The following DLD variants were observed in gnomAD, a reference collection of about 807,000 sequenced individuals.
DLD encodes the protein dihydrolipoamide dehydrogenase.
A neutral mutation model predicts 62.2 loss-of-function variants in DLD; 36 were observed. The observed-to-expected ratio is 0.58, with a 90% CI of 0.44 to 0.76. The LOEUF (loss-of-function observed/expected upper bound fraction) is 0.76. Among genes scored for constraint, DLD ranks in the 30% least tolerant of loss-of-function variants. The probability of loss-of-function intolerance (pLI) is 0.00; values close to 1 mark genes in which losing one functional copy is unlikely to be tolerated. For missense variants in DLD, 541 were observed against 608.6 expected (o/e 0.89, Z 1.17); for synonymous variants, 204 against 199.6 (o/e 1.02, Z -0.19).
At chr7:107,897,684 T>G (rs1306351842) in intron 2 of DLD, among the ~76,000 whole-genome samples, 2 of 151,136 alleles carry the variant, frequency 1.3e-5, no homozygotes, top group Non-Finnish European at 2.9e-5. Flanking sequence ...GTTCAGGAGA[T>G]TCTCATGCCT....
At chr7:107,895,029 T>A (rs2031684084) in intron 2 of DLD, among the ~76,000 whole-genome samples, 1 of 152,208 alleles carries the variant, frequency 6.6e-6, no homozygotes, top group African/African-American at 2.4e-5. Flanking sequence ...TCTGTTTTAA[T>A]TACTGCTCTG....
chr7:107,911,597 T>A (rs767835020), intron 8 of DLD, among the ~76,000 whole-genome samples: 8 of 152,164 alleles, frequency 5.3e-5, no homozygotes, highest in Non-Finnish European at 1.0e-4. Flanking sequence ...ACGTAAATTT[T>A]TGTTGCTCTG....
intron 1 of DLD, 42 bp downstream of exon 1, chr7:107,891,331 G>T: frequency 6.2e-7 from 1 of 1,612,490 alleles, no homozygotes. Context: ...CCAGAGGCAC[G>T]GAAGGTCCCG....
chr7:107,904,887 G>T, intron 5 of DLD, 71 bp from the exon 6 acceptor site: 3 of 1,102,522 alleles, frequency 2.7e-6, no homozygotes, highest in Non-Finnish European at 4.1e-6. Context: ...TTTCCAGTTG[G>T]TGAGTGAAAA....
At chr7:107,906,429 C>T in intron 8 of DLD, 61 bp downstream of exon 8, 1 of 1,088,326 alleles carries the variant, frequency 9.2e-7, no homozygotes, top group Non-Finnish European at 1.4e-6. Context: ...TTAAAGGTCC[C>T]CTTTTTGATT....
chr7:107,894,135 T>C (rs1215998945), intron 2 of DLD, among the ~76,000 whole-genome samples: 1 of 152,244 alleles, frequency 6.6e-6, no homozygotes, highest in Non-Finnish European at 1.5e-5. Flanking sequence ...TTTATTTTTT[T>C]AAGTATTTAA....
intron 2 of DLD, among the ~76,000 whole-genome samples, chr7:107,897,441 T>C (rs2031754348): frequency 1.3e-5 from 2 of 152,222 alleles, no homozygotes; most frequent in Non-Finnish European, 1.5e-5. Flanking sequence ...TTCAACCTTT[T>C]CTTCCTCTGT....
At chr7:107,902,270 G>T (rs1001099600) in intron 3 of DLD, 55 bp from the exon 4 acceptor site, 1 of 1,483,118 alleles carries the variant, frequency 6.7e-7, no homozygotes, top group South Asian at 1.1e-5. Context: ...TGGAATTTTA[G>T]TGATCTGAAA....
In DLD at chr7:107,905,488, C is replaced by T. The variant is rs766934426; in HGVS notation, c.566C>T (p.Pro189Leu). Residue 189 changes from proline to leucine, a missense_variant, in exon 7 of 14, where the codon CCT becomes CTT. By Grantham distance (98) the Pro-to-Leu change is moderately conservative. Coordinates refer to ENST00000205402, the MANE Select transcript of DLD (RefSeq NM_000108.5). Reference sequence around the variant, plus strand: ...ATAGCCACGGGTTCAGAAGTTACTCCTTTTCCTGGAATCACGGTATTTATG... The same window carrying T: ...ATAGCCACGGGTTCAGAAGTTACTCTTTTTCCTGGAATCACGGTATTTATG... ...ILIATGSEVT[P>L]FPGITIDEDT... The T allele has an allele frequency of 6.2e-7, 1 of 1,613,776 alleles. No homozygotes were observed. The highest frequency in any genetic ancestry group is 8.5e-7 in the Non-Finnish European group (1 of 1,179,746).
intron 9 of DLD, among the ~76,000 whole-genome samples, chr7:107,916,348 TTTATATTCAAATAAAC>T (rs1449731995): frequency 6.6e-6 from 1 of 152,190 alleles, no homozygotes; most frequent in Non-Finnish European, 1.5e-5. Context: ...GACTCTTATG[TTTATATTCAAATAAAC>T]TTATATTGTT....
At chr7:107,913,454 G>C (rs2116255265) in intron 8 of DLD, among the ~76,000 whole-genome samples, 1 of 149,840 alleles carries the variant, frequency 6.7e-6, no homozygotes, top group Admixed American at 6.6e-5. Context: ...CACATCTTTG[G>C]CTAAATTGAT....
At chr7:107,911,517 TG>T (rs1327785513) in intron 8 of DLD, among the ~76,000 whole-genome samples, 1 of 152,152 alleles carries the variant, frequency 6.6e-6, no homozygotes, top group Non-Finnish European at 1.5e-5. Flanking sequence ...GTGTAATTGT[TG>T]GGTCATATGG....
chr7:107,905,834 G>A, intron 7 of DLD: 1 of 354,066 alleles, frequency 2.8e-6, no homozygotes, highest in South Asian at 2.9e-5. Context: ...AAATGACTTA[G>A]TATTTTTAGT....
intron 8 of DLD, 48 bp downstream of exon 8, chr7:107,906,416 GAC>G: frequency 8.3e-7 from 1 of 1,205,422 alleles, no homozygotes; most frequent in African/African-American, 1.5e-5. Flanking sequence ...AGTTGGAAGG[GAC>G]TTAAAGGTCC....
chr7:107,917,874 A>G, intron 11 of DLD, 50 bp from the exon 12 acceptor site: 1 of 1,612,488 alleles, frequency 6.2e-7, no homozygotes, highest in Non-Finnish European at 8.5e-7. Flanking sequence ...TACAAATTGG[A>G]AAGAACTTTT....
In DLD at chr7:107,915,492, T is replaced by A. The variant is rs80111449; in HGVS notation, c.685-14T>A. The A allele has an allele frequency of 0.017, 27,121 of 1,613,322 alleles. 382 individuals carry two copies. Among genetic ancestry groups the A allele is most frequent in the African/African-American group, 0.063 (4,736 of 74,988 alleles). On this transcript the variant is annotated splice_polypyrimidine_tract_variant and intron_variant, in intron 8 of 13. Coordinates refer to ENST00000205402, the MANE Select transcript of DLD (RefSeq NM_000108.5). ...AACTTTTATGATTATTGGGTTTTTT[T>A]AATTTATTTGCAGGGTTCAGTTTGG...
chr7:107,903,527 T>A lies in DLD; in HGVS notation c.317T>A (p.Phe106Tyr). 1 of 1,597,304 alleles carries A rather than the reference T, an allele frequency of 6.3e-7. No homozygotes were observed. Among genetic ancestry groups the A allele is most frequent in the Non-Finnish European group, 8.6e-7 (1 of 1,165,324 alleles). The change falls in exon 5 of 14, where the codon TTT (phenylalanine) becomes TAT (tyrosine). Residue 106 changes from phenylalanine to tyrosine, a missense_variant. Coordinates refer to ENST00000205402, the MANE Select transcript of DLD (RefSeq NM_000108.5). ...TACCATATGGCCCATGGAAAAGATTTTGCATCTAGAGGAATTGAAAGTAAG... is the reference window on the plus strand; with the variant it reads ...TACCATATGGCCCATGGAAAAGATTATGCATCTAGAGGAATTGAAAGTAAG... ...HYYHMAHGKDFASRGIEMSEV... is the reference protein window; with the variant it reads ...HYYHMAHGKDYASRGIEMSEV...
chr7:107,891,399 G>GCCGCACCACCCCTGGCC, intron 1 of DLD, 110 bp downstream of exon 1: 1 of 1,246,228 alleles, frequency 8.0e-7, no homozygotes, highest in South Asian at 1.2e-5. Context: ...GGGCGCCTGG[G>GCCGCACCACCCCTGGCC]CCGCACCACC....
intron 12 of DLD, 39 bp downstream of exon 12, chr7:107,918,100 C>G: frequency 2.5e-6 from 4 of 1,612,322 alleles, no homozygotes; most frequent in Non-Finnish European, 2.5e-6. Flanking sequence ...ATTAAGATTT[C>G]TAGAAAGCAT....
Sources: gnomAD v4.1 joint callset for allele counts (sites outside exome capture counted in the v4.1 genomes callset) on GRCh38, gnomAD v4.1.1 for gene constraint, MANE v1.5 for transcripts, NCBI Gene and HGNC (gene_info 2026-07-23, HGNC 2026-07-21) for gene names.